Variants in FSTL4 observed in about 807,000 individuals in gnomAD.
FSTL4 encodes follistatin-related protein 4.
In FSTL4, 28 loss-of-function variants were observed where a neutral mutation model predicts 78.2. The ratio of observed to expected loss-of-function variants is 0.36; its 90% confidence interval spans 0.27 to 0.49. FSTL4 has a LOEUF of 0.49. FSTL4 is among the 20% of genes least tolerant of loss of function. The pLI is 0.98. For synonymous variants in FSTL4, 422 were observed against 440.5 expected, an observed-to-expected ratio of 0.96 and a Z score of 0.53; for missense variants, 922 against 1,084.9, an observed-to-expected ratio of 0.85 and a Z score of 2.11.
At chr5:133,627,144 T>C in the FSTL4 span, among the ~76,000 whole-genome samples, 1 of 148,040 alleles carries the variant, frequency 6.8e-6, no homozygotes, top group African/African-American at 2.5e-5. Context: ...TGTTCCTCTC[T>C]GTGTCTCTTT....
chr5:133,389,553 C>T (rs942419663), intron 4 of FSTL4, among the ~76,000 whole-genome samples: 12 of 152,216 alleles, frequency 7.9e-5, no homozygotes, highest in African/African-American at 2.7e-4. Flanking sequence ...CTGAAACCTC[C>T]TCCTTTGTCT....
intron 3 of FSTL4, among the ~76,000 whole-genome samples, chr5:133,466,473 C>A (rs181082873): frequency 0.013 from 1,912 of 151,418 alleles, 41 homozygotes; most frequent in African/African-American, 0.044. Context: ...ACCCAGGAGG[C>A]GGAGCTTGCA....
chr5:133,546,523 AAAAAAAAAG>A (rs1392680286), intron 3 of FSTL4, among the ~76,000 whole-genome samples: 3 of 150,474 alleles, frequency 2.0e-5, no homozygotes. Context: ...AAAAAAAAAA[AAAAAAAAAG>A]AGTGAAAAAG....
intron 7 of FSTL4, among the ~76,000 whole-genome samples, chr5:133,241,880 A>AT (rs1301125645): frequency 1.3e-5 from 2 of 152,216 alleles, no homozygotes; most frequent in Non-Finnish European, 2.9e-5. Context: ...ATGACAGCTG[A>AT]TTCCTGTCGT....
chr5:133,412,015 C>A (rs1430562487), intron 3 of FSTL4, among the ~76,000 whole-genome samples: 1 of 151,862 alleles, frequency 6.6e-6, no homozygotes, highest in South Asian at 2.1e-4. Context: ...GCCATAGGAC[C>A]TATATAAAAA....
chr5:133,228,969 C>T (rs1751411723), intron 8 of FSTL4, among the ~76,000 whole-genome samples: 1 of 152,088 alleles, frequency 6.6e-6, no homozygotes. Context: ...AGGTAATGCA[C>T]CAATAAAGTT....
intron 7 of FSTL4, among the ~76,000 whole-genome samples, chr5:133,245,752 G>A (rs1044373328): frequency 7.2e-5 from 11 of 152,170 alleles, no homozygotes; most frequent in Admixed American, 7.2e-4. Flanking sequence ...ACTCATAAGT[G>A]CTTCTGAGAG....
chr5:133,598,230 C>T (rs122535), intron 2 of FSTL4, among the ~76,000 whole-genome samples: 1 of 151,970 alleles, frequency 6.6e-6, no homozygotes, highest in Non-Finnish European at 1.5e-5. Flanking sequence ...TGTGTGCATG[C>T]GAGGAGGCAG....
the FSTL4 span, among the ~76,000 whole-genome samples, chr5:133,777,501 C>G: frequency 6.6e-6 from 1 of 152,190 alleles, no homozygotes; most frequent in Non-Finnish European, 1.5e-5. Context: ...GATATTCAAA[C>G]TGTAGTTATG....
chr5:133,512,824 C>CT (rs11436815), intron 3 of FSTL4, among the ~76,000 whole-genome samples: 8,300 of 149,146 alleles, frequency 0.056, 289 homozygotes, highest in Non-Finnish European at 0.077. Flanking sequence ...GATTTTCTTC[C>CT]TTTTTTTTTT....
At chr5:133,210,784 C>G (rs1051253698) in intron 13 of FSTL4, 1 of 152,410 alleles carries the variant, frequency 6.6e-6, no homozygotes, top group Non-Finnish European at 1.5e-5. Flanking sequence ...AGCCACTGTG[C>G]CCGGCCCAGA....
chr5:133,806,004 C>G, the FSTL4 span, among the ~76,000 whole-genome samples: 2 of 152,218 alleles, frequency 1.3e-5, no homozygotes, highest in Non-Finnish European at 2.9e-5. Context: ...GTATGGGATA[C>G]CGCCTAATGA....
chr5:133,571,740 A>T (rs1561473531), intron 2 of FSTL4, among the ~76,000 whole-genome samples: 1 of 152,202 alleles, frequency 6.6e-6, no homozygotes, highest in Non-Finnish European at 1.5e-5. Context: ...ACTGAAAATG[A>T]AATAACTGAA....
chr5:133,204,061 C>T (rs1051237339), intron 14 of FSTL4, among the ~76,000 whole-genome samples: 5 of 152,046 alleles, frequency 3.3e-5, no homozygotes, highest in Non-Finnish European at 5.9e-5. Flanking sequence ...AGGATATGCC[C>T]ATCAGTTGGC....
chr5:133,499,969 G>A (rs539563773), intron 3 of FSTL4, among the ~76,000 whole-genome samples: 7 of 152,192 alleles, frequency 4.6e-5, no homozygotes, highest in South Asian at 2.1e-4. Flanking sequence ...AAACCATGCC[G>A]CATATTTCCT....
At chr5:133,610,234 T>C (rs1761062931) in intron 1 of FSTL4, among the ~76,000 whole-genome samples, 1 of 152,172 alleles carries the variant, frequency 6.6e-6, no homozygotes, top group South Asian at 2.1e-4. Flanking sequence ...AGGATAAAAG[T>C]TCTCCTAATA....
intron 4 of FSTL4, among the ~76,000 whole-genome samples, chr5:133,346,851 C>T (rs1754706162): frequency 6.6e-6 from 1 of 152,156 alleles, no homozygotes; most frequent in Non-Finnish European, 1.5e-5. Context: ...TTGTGGGATA[C>T]TTCCTTGACT....
intron 3 of FSTL4, among the ~76,000 whole-genome samples, chr5:133,513,508 CA>C (rs1238616221): frequency 3.3e-5 from 5 of 152,154 alleles, no homozygotes; most frequent in Admixed American, 1.3e-4. Flanking sequence ...GGCAGAGCAG[CA>C]GCCAGTGGGG....
intron 4 of FSTL4, among the ~76,000 whole-genome samples, chr5:133,360,069 C>T (rs1314418672): frequency 6.6e-6 from 1 of 152,266 alleles, no homozygotes; most frequent in Non-Finnish European, 1.5e-5. Context: ...ACAGCCCTAA[C>T]AGTGGACCCT....
Sources: gnomAD v4.1 joint callset for allele counts (sites outside exome capture counted in the v4.1 genomes callset) on GRCh38, gnomAD v4.1.1 for gene constraint, MANE v1.5 for transcripts, NCBI Gene and HGNC (gene_info 2026-07-23, HGNC 2026-07-21) for gene names.